MEGF11: variants seen among roughly 807,000 people sequenced by gnomAD.
The protein encoded by MEGF11 is multiple epidermal growth factor-like domains protein 11.
Under a neutral mutation model 146.6 loss-of-function variants are expected in MEGF11, and 126 were observed. The observed-to-expected ratio is 0.86, with a 90% CI of 0.74 to 1.00. The LOEUF is 1.00. MEGF11 is among the 50% of genes least tolerant of loss of function. MEGF11 has a pLI of 0.00. For synonymous variants in MEGF11, 532 were observed against 583.4 expected (o/e 0.91, Z 1.27); for missense variants, 1,509 against 1,521.2 (o/e 0.99, Z 0.13).
At position 65,951,477 on chromosome 15, in the gene MEGF11, A is replaced by G. The variant is rs113414186; in HGVS notation, c.1287+6070T>C. ...CGAGGCGGGCAGATGACATGAGGTC[A>G]GGAGTTCAAGACCAGCCTGGCCAAC... is the stretch of plus-strand genomic sequence containing the variant. On this transcript the variant is annotated intron_variant, in intron 10 of 25. Coordinates refer to ENST00000395614, the MANE Select transcript of MEGF11 (RefSeq NM_001385028.1). Among the ~76,000 whole-genome samples, 472 of 152,316 alleles carry G rather than the reference A, an allele frequency of 3.1e-3. 1 individual carries two copies. The highest frequency in any genetic ancestry group is 0.011 in the African/African-American group (459 of 41,578).
intron 10 of MEGF11, among the ~76,000 whole-genome samples, chr15:65,949,201 C>T (rs190669262): frequency 4.1e-4 from 62 of 152,344 alleles, no homozygotes; most frequent in Middle Eastern, 3.4e-3. Flanking sequence ...GAGGTGGACA[C>T]GCACTCTGCC....
intron 5 of MEGF11, among the ~76,000 whole-genome samples, chr15:66,064,430 T>A (rs1347585462): frequency 6.6e-6 from 1 of 152,156 alleles, no homozygotes; most frequent in African/African-American, 2.4e-5. Context: ...ATAACACATT[T>A]TCCCCAGGTA....
intron 1 of MEGF11, among the ~76,000 whole-genome samples, chr15:66,185,491 G>A (rs961496257): frequency 7.2e-5 from 11 of 152,070 alleles, no homozygotes; most frequent in African/African-American, 2.7e-4. Flanking sequence ...CTCTGGCAGT[G>A]CCTTAAGGGT....
In MEGF11 at chr15:65,918,046, C is replaced by G; in HGVS notation, c.2006G>C (p.Cys669Ser). Residue 669 changes from cysteine to serine, a missense_variant, in exon 16 of 26, where the codon TGT (cysteine) becomes TCT (serine). Transcript: ENST00000395614. ...FGQDCAQLCS[C>S]ANNGTCSPID... Reference sequence around the variant, plus strand: ...AGGGCTGCAGGTCCCGTTGTTGGCACAGGAGCAGAGCTGGGCACAGTCCTG... The same window carrying G: ...AGGGCTGCAGGTCCCGTTGTTGGCAGAGGAGCAGAGCTGGGCACAGTCCTG... The G allele has an allele frequency of 4.3e-6, 7 of 1,614,006 alleles. No homozygotes were observed. Among genetic ancestry groups the G allele is most frequent in the Non-Finnish European group, 5.9e-6 (7 of 1,179,890 alleles).
At chr15:66,003,748 G>T (rs1012817410) in intron 5 of MEGF11, among the ~76,000 whole-genome samples, 2 of 152,154 alleles carry the variant, frequency 1.3e-5, no homozygotes, top group Non-Finnish European at 2.9e-5. Flanking sequence ...TGACGGCCTG[G>T]CATTCAAAGC....
At chr15:65,963,855 C>G (rs560072299) in intron 9 of MEGF11, among the ~76,000 whole-genome samples, 3 of 152,158 alleles carry the variant, frequency 2.0e-5, no homozygotes, top group South Asian at 2.1e-4. Context: ...TTGCAGTGAA[C>G]GAGGCTCCAG....
At chr15:66,217,068 T>A (rs2091604131) in intron 1 of MEGF11, among the ~76,000 whole-genome samples, 1 of 152,142 alleles carries the variant, frequency 6.6e-6, no homozygotes, top group Admixed American at 6.5e-5. Flanking sequence ...TTCCTTCACT[T>A]CCTCCACGTG....
chr15:66,037,494 A>C (rs1427788608), intron 5 of MEGF11, among the ~76,000 whole-genome samples: 1 of 152,240 alleles, frequency 6.6e-6, no homozygotes. Flanking sequence ...CCATGAGGGC[A>C]AAAGCAGTAA....
At chr15:66,208,981 A>G (rs750338254) in intron 1 of MEGF11, among the ~76,000 whole-genome samples, 4 of 152,214 alleles carry the variant, frequency 2.6e-5, no homozygotes, top group Non-Finnish European at 4.4e-5. Context: ...TAAAGAAACT[A>G]TATCACTCAT....
intron 5 of MEGF11, among the ~76,000 whole-genome samples, chr15:66,065,338 A>T (rs1435798261): frequency 6.6e-6 from 1 of 151,734 alleles, no homozygotes; most frequent in Non-Finnish European, 1.5e-5. Context: ...CTCCAGGAGC[A>T]AATAAAAAAC....
Position 65,909,740 on chromosome 15 carries a change from C to A in MEGF11, c.2896G>T (p.Asp966Tyr), listed in dbSNP as rs896292046. 1 of 1,575,428 alleles carries A rather than the reference C, an allele frequency of 6.3e-7. No individual in the cohort carries two copies. Among genetic ancestry groups the A allele is most frequent in the Non-Finnish European group, 8.6e-7 (1 of 1,168,448 alleles). The change falls in exon 22 of 26, where the codon GAC becomes TAC. Residue 966 changes from aspartate (D) to tyrosine (Y), a missense_variant and splice_region_variant. Asp to Tyr is a radical substitution (Grantham distance 160). Transcript: ENST00000395614. The part of the protein sequence containing the change: ...WTPYSYVNVL[D>Y]SHFQISALEA... ...GGACCAGACTCACACCACTACTGAC[C>A]TAACACGTTCACATAGCTGTAGGGG...
intron 1 of MEGF11, among the ~76,000 whole-genome samples, chr15:66,253,182 G>A (rs1168168550): frequency 1.3e-5 from 2 of 152,174 alleles, no homozygotes; most frequent in Non-Finnish European, 2.9e-5. Context: ...TGCAGTGAGT[G>A]CAGCCGGCGC....
At chr15:66,243,197 T>C (rs763335177) in intron 1 of MEGF11, among the ~76,000 whole-genome samples, 2 of 152,230 alleles carry the variant, frequency 1.3e-5, no homozygotes, top group Admixed American at 1.3e-4. Context: ...CCGGAGAAGC[T>C]GATTCCTGAG....
intron 10 of MEGF11, among the ~76,000 whole-genome samples, chr15:65,934,087 G>A (rs1159212142): frequency 1.3e-5 from 2 of 152,124 alleles, no homozygotes; most frequent in African/African-American, 4.8e-5. Context: ...CACACTACAG[G>A]TATGGTCTTG....
chr15:66,090,692 G>C (rs918593314), intron 5 of MEGF11, among the ~76,000 whole-genome samples: 4 of 152,220 alleles, frequency 2.6e-5, no homozygotes, highest in African/African-American at 9.6e-5. Flanking sequence ...TGAAGAATCA[G>C]AAACAACCTC....
chr15:65,944,892 T>G (rs542870855), intron 10 of MEGF11, among the ~76,000 whole-genome samples: 23 of 147,310 alleles, frequency 1.6e-4, no homozygotes, highest in African/African-American at 5.0e-4. Context: ...TCATATAAAC[T>G]CTCAGGTTTT....
chr15:66,027,433 C>T (rs1378172718), intron 5 of MEGF11, among the ~76,000 whole-genome samples: 1 of 152,342 alleles, frequency 6.6e-6, no homozygotes, highest in East Asian at 1.9e-4. Flanking sequence ...AAGGCAGGGC[C>T]ACCTGAAACT....
At chr15:66,153,872 G>C (rs775650886) in intron 1 of MEGF11, among the ~76,000 whole-genome samples, 1 of 152,116 alleles carries the variant, frequency 6.6e-6, no homozygotes, top group Non-Finnish European at 1.5e-5. Context: ...AGGGTCACAC[G>C]GGCTCGTGCA....
In MEGF11 at chr15:65,960,106, A is replaced by G. The variant is rs1213754795; in HGVS notation, c.1113-2385T>C. ...AATGCTGCATCTGTTGGCTAAATCA[A>G]ATCTTTCAAATATGAAAATATATCA... On this transcript the variant is annotated intron_variant, in intron 9 of 25. Coordinates refer to ENST00000395614, the MANE Select transcript of MEGF11 (RefSeq NM_001385028.1). Among the ~76,000 whole-genome samples, 5 of 152,390 alleles carry G rather than the reference A, an allele frequency of 3.3e-5. No homozygotes were observed. The South Asian group carries it at 8.3e-4, about 25-fold the overall frequency.
Sources: gnomAD v4.1 joint callset for allele counts (sites outside exome capture counted in the v4.1 genomes callset) on GRCh38, gnomAD v4.1.1 for gene constraint, MANE v1.5 for transcripts, NCBI Gene and HGNC (gene_info 2026-07-23, HGNC 2026-07-21) for gene names.